Variants in PPP2R5D observed in about 807,000 individuals in gnomAD.
PPP2R5D encodes the protein serine/threonine-protein phosphatase 2A 56 kDa regulatory subunit delta isoform.
In PPP2R5D, 12 loss-of-function variants were observed where a neutral mutation model predicts 79.1. The ratio of observed to expected loss-of-function variants is 0.15; its 90% CI spans 0.10 to 0.25. PPP2R5D has a LOEUF of 0.25. Ranked by LOEUF, PPP2R5D falls within the 10% of genes least tolerant of loss-of-function variation. The pLI, the probability that PPP2R5D is intolerant of heterozygous loss-of-function variation, is 1.00. For missense variants in PPP2R5D, 419 were observed against 760.2 expected, an observed-to-expected ratio of 0.55 and a Z score of 5.28; for synonymous variants, 277 against 286.6, an observed-to-expected ratio of 0.97 and a Z score of 0.34.
At chr6:42,989,480 C>T (rs755475939) in intron 1 of PPP2R5D, 131 bp from the exon 2 acceptor site, 69 of 761,872 alleles carry the variant, frequency 9.1e-5, no homozygotes, top group Middle Eastern at 2.4e-4. Flanking sequence ...ACCCCAGCTC[C>T]GCACAAGGTA....
chr6:43,006,856 A>G lies in PPP2R5D; in HGVS notation c.323-55A>G. On this transcript the variant is annotated intron_variant, in intron 3 of 15. Coordinates refer to ENST00000485511, the MANE Select transcript of PPP2R5D (RefSeq NM_006245.4). The surrounding 1 kb of genome is among the most constrained non-coding windows in gnomAD (Gnocchi z 4.7). ...TAAGGGAAAGCCCTTGAAGGCAAGC[A>G]GGGCATCGCAGTGAAGGACTACAGA... The G allele has an allele frequency of 6.2e-7, 1 of 1,601,890 alleles. No homozygotes were observed. The highest frequency in any genetic ancestry group is 8.5e-7 in the Non-Finnish European group (1 of 1,170,894).
In PPP2R5D at chr6:43,010,569, A is replaced by C; in HGVS notation, c.1481A>C (p.Lys494Thr). 6.2e-7 allele frequency: 1 copy of C among 1,613,978 alleles called. No individual in the cohort carries two copies. Among genetic ancestry groups the C allele is most frequent in the Non-Finnish European group, 8.5e-7 (1 of 1,179,850 alleles). ...CTQQYKAEKQ[K>T]GRFRMKEREE... ...CAACAATACAAGGCAGAGAAGCAGA[A>C]GTGAGTATCTCTCTCCCCGGGAGAC... The change falls in exon 13 of 16, where the codon AAG (lysine) becomes ACG (threonine). Residue 494 changes from lysine to threonine, a missense_variant and splice_region_variant. Coordinates refer to ENST00000485511, the MANE Select transcript of PPP2R5D (RefSeq NM_006245.4). The surrounding 1 kb of genome is among the most constrained non-coding windows in gnomAD (Gnocchi z 4.7).
At chr6:42,989,527 T>C in intron 1 of PPP2R5D, 84 bp from the exon 2 acceptor site, 1 of 1,169,752 alleles carries the variant, frequency 8.5e-7, no homozygotes, top group Non-Finnish European at 1.2e-6. Flanking sequence ...CAGAGGATAT[T>C]TGCAACAAAG....
intron 2 of PPP2R5D, among the ~76,000 whole-genome samples, chr6:42,993,425 C>T (rs967891444): frequency 5.3e-5 from 8 of 152,074 alleles, no homozygotes; most frequent in Admixed American, 6.6e-5. Flanking sequence ...GAGAGGAGAT[C>T]GTGCCATTGC....
intron 2 of PPP2R5D, among the ~76,000 whole-genome samples, chr6:42,998,015 TTATATATATA>T (rs1561843629): frequency 0.02 from 632 of 32,252 alleles, 8 homozygotes; most frequent in South Asian, 0.033. Context: ...TGGGTTTTAT[TTATATATATA>T]TATATATATA....
chr6:42,985,028 C>T (rs982567689), intron 1 of PPP2R5D, among the ~76,000 whole-genome samples: 9 of 151,992 alleles, frequency 5.9e-5, no homozygotes, highest in Admixed American at 4.6e-4. Flanking sequence ...TCTGTCCCCC[C>T]CATCACCCCT....
Position 42,984,712 on chromosome 6 carries a change from TG to T in PPP2R5D, c.27+10del. 6.2e-7 allele frequency: 1 copy of T among 1,612,068 alleles called. No individual in the cohort carries two copies. ...AAACTGAAAAAGGAGAAGGTGAGCG[TG>T]GCCCTTTTTCCCCCACCGCCGCCTT... On this transcript the variant is annotated intron_variant, in intron 1 of 15. Coordinates refer to ENST00000485511, the MANE Select transcript of PPP2R5D (RefSeq NM_006245.4).
chr6:42,985,023 C>T (rs1313818785), intron 1 of PPP2R5D, among the ~76,000 whole-genome samples: 1 of 150,978 alleles, frequency 6.6e-6, no homozygotes, highest in Admixed American at 6.6e-5. Context: ...CTTTTTCTGT[C>T]CCCCCCATCA....
chr6:42,992,371 TC>T (rs1464752042), intron 2 of PPP2R5D, among the ~76,000 whole-genome samples: 2 of 152,190 alleles, frequency 1.3e-5, no homozygotes, highest in African/African-American at 4.8e-5. Flanking sequence ...CTTGCCCTTT[TC>T]TTGTCCGGAA....
intron 2 of PPP2R5D, among the ~76,000 whole-genome samples, chr6:42,997,067 C>G (rs1771749753): frequency 6.6e-6 from 1 of 152,136 alleles, no homozygotes. Context: ...AGTGTCTTGG[C>G]TCACTGCAAC....
chr6:42,993,872 G>A (rs1201835182), intron 2 of PPP2R5D, among the ~76,000 whole-genome samples: 1 of 152,142 alleles, frequency 6.6e-6, no homozygotes, highest in Admixed American at 6.5e-5. Flanking sequence ...GAGGGGAGGG[G>A]GTAGGGGACT....
At position 43,010,973 on chromosome 6, in the gene PPP2R5D, G is replaced by T; in HGVS notation, c.1647G>T (p.Arg549Ser). ...CTGAGGACATCCAGCTTCTGAAGAG[G>T]ACTGTGGAGACTGAGGCTGTTCAGG... The part of the protein sequence containing the change: ...PTAEDIQLLK[R>S]TVETEAVQML... Residue 549 changes from arginine to serine, a missense_variant, in exon 15 of 16, where the codon AGG becomes AGT. By Grantham distance (110) the Arg-to-Ser change is moderately radical. This residue lies in a region of PPP2R5D where 84 missense variants were observed against 105.4 expected (regional missense o/e 0.80). Coordinates refer to ENST00000485511, the MANE Select transcript of PPP2R5D (RefSeq NM_006245.4). The surrounding 1 kb of genome is among the most constrained non-coding windows in gnomAD (Gnocchi z 4.7). 3 of 1,614,104 alleles carry T rather than the reference G, an allele frequency of 1.9e-6. No homozygotes were observed. Among genetic ancestry groups the T allele is most frequent in the Non-Finnish European group, 2.5e-6 (3 of 1,179,974 alleles).
chr6:42,985,564 T>A (rs1213008285), intron 1 of PPP2R5D, among the ~76,000 whole-genome samples: 1 of 152,030 alleles, frequency 6.6e-6, no homozygotes, highest in African/African-American at 2.4e-5. Flanking sequence ...AGTAGGCTCC[T>A]CACCCTTATT....
chr6:42,987,717 C>T (rs1301514753), intron 1 of PPP2R5D, among the ~76,000 whole-genome samples: 2 of 152,204 alleles, frequency 1.3e-5, no homozygotes, highest in Non-Finnish European at 2.9e-5. Flanking sequence ...AGGCCTGGTT[C>T]CTCCATGCCC....
rs778734745 is a variant in PPP2R5D, at chr6:43,009,655, G to A, written c.1379+206G>A. Among the ~76,000 whole-genome samples the A allele has an allele frequency of 2.6e-5, 4 of 152,176 alleles. No individual in the cohort carries two copies. Among genetic ancestry groups the A allele is most frequent in the African/African-American group, 7.2e-5 (3 of 41,434 alleles). ...CTGTGATACCAAACAGCAGGGCAGCGGCCTGTTACACCGCTCCTTGGGTTC... is the reference window on the plus strand; with the variant it reads ...CTGTGATACCAAACAGCAGGGCAGCAGCCTGTTACACCGCTCCTTGGGTTC... On this transcript the variant is annotated intron_variant, in intron 12 of 15. Coordinates refer to ENST00000485511, the MANE Select transcript of PPP2R5D (RefSeq NM_006245.4). This position sits in a 1 kb window ranked among gnomAD's most constrained non-coding sequence, Gnocchi z 5.6.
chr6:43,007,893 G>T lies in PPP2R5D; in HGVS notation c.727-42G>T, dbSNP rs1274700433. On this transcript the variant is annotated intron_variant, in intron 6 of 15. Transcript: ENST00000485511. The surrounding 1 kb of genome is among the most constrained non-coding windows in gnomAD (Gnocchi z 4.5). ...GTCACCCTGGCCACTGCCTTCCCTG[G>T]CTGCTGCCTCACTGGCTGCTTTCCC... is the stretch of plus-strand genomic sequence containing the variant. 6.2e-7 allele frequency: 1 copy of T among 1,610,546 alleles called. No individual in the cohort carries two copies. Among genetic ancestry groups the T allele is most frequent in the East Asian group, 2.2e-5 (1 of 44,788 alleles).
intron 1 of PPP2R5D, 58 bp from the exon 2 acceptor site, chr6:42,989,553 A>C: frequency 7.2e-7 from 1 of 1,394,636 alleles, no homozygotes; most frequent in Non-Finnish European, 1.0e-6. Flanking sequence ...AGGGAGCCAG[A>C]TAAGACCTCT....
chr6:43,012,068 G>T lies in PPP2R5D; in HGVS notation c.*782G>T. The T allele has an allele frequency of 2.6e-6, 1 of 386,466 alleles. No homozygotes were observed. The highest frequency in any genetic ancestry group is 3.6e-6 in the Non-Finnish European group (1 of 281,104). 23.9% of individuals were successfully genotyped at this position (386,466 alleles called of 1,614,324 possible). A position where few individuals can be genotyped will look rare whatever the true frequency, so the allele number is the denominator to read the frequency against. On this transcript the variant is annotated 3_prime_UTR_variant, in exon 16 of 16. Coordinates refer to ENST00000485511, the MANE Select transcript of PPP2R5D (RefSeq NM_006245.4). ...GGTTCCCAAAACTAGAAAGAAGGAA[G>T]CAGGGAGCGGTGCCCCAAGCATGGC...
intron 2 of PPP2R5D, 55 bp downstream of exon 2, chr6:42,989,743 T>C (rs1771121539): frequency 6.6e-7 from 1 of 1,510,414 alleles, no homozygotes; most frequent in Non-Finnish European, 9.1e-7. Flanking sequence ...CGCAACTCCA[T>C]GATGGCTAGT....
Sources: allele counts gnomAD v4.1 joint callset (sites outside exome capture counted in the v4.1 genomes callset), GRCh38; gene constraint gnomAD v4.1.1; regional missense constraint gnomAD v4.1.1; non-coding constraint Gnocchi (gnomAD v3.1); transcripts MANE v1.5; gene names NCBI Gene and HGNC (gene_info 2026-07-23, HGNC 2026-07-21).